VPS13B: variants seen among roughly 807,000 people sequenced by gnomAD.
VPS13B encodes vacuolar protein sorting 13 homolog B.
In VPS13B, 285 loss-of-function variants were observed where a neutral mutation model predicts 426.4. The observed-to-expected ratio is 0.67, with a 90% CI of 0.61 to 0.74. The LOEUF is 0.74. Among genes scored for constraint, VPS13B ranks in the 30% least tolerant of loss-of-function variants. The pLI is 0.00. For missense variants in VPS13B, 4,537 were observed against 4,782.6 expected (o/e 0.95, Z 1.51); for synonymous variants, 1,676 against 1,676.4 (o/e 1.00, Z 0.01).
rs1050342005 is a variant in VPS13B at position 99,227,697 on chromosome 8, A to C, written c.2515+34640A>C. ...TATGGTTTATTTGTGTGTACTTCTT[A>C]AACTGTTCTGGTATGTTTCATATAT... On this transcript the variant is annotated intron_variant, in intron 17 of 61. Coordinates refer to ENST00000357162, the MANE Select transcript of VPS13B (RefSeq NM_152564.5). Among the ~76,000 whole-genome samples, 9 of 152,284 alleles carry C rather than the reference A, an allele frequency of 5.9e-5. No homozygotes were observed. The East Asian group carries it at 1.7e-3, about 29-fold the overall frequency.
At chr8:99,215,038 C>T (rs961052990) in intron 17 of VPS13B, among the ~76,000 whole-genome samples, 2 of 152,090 alleles carry the variant, frequency 1.3e-5, no homozygotes, top group African/African-American at 2.4e-5. Context: ...TCAGAGGAGC[C>T]TTCTTTAAGT....
intron 17 of VPS13B, among the ~76,000 whole-genome samples, chr8:99,218,296 A>G (rs552835038): frequency 1.3e-5 from 2 of 152,314 alleles, no homozygotes; most frequent in African/African-American, 2.4e-5. Context: ...AATATTTACT[A>G]TCTGGCCCTT....
At chr8:99,333,764 A>G (rs890167249) in intron 19 of VPS13B, among the ~76,000 whole-genome samples, 1 of 152,024 alleles carries the variant, frequency 6.6e-6, no homozygotes, top group African/African-American at 2.4e-5. Context: ...TTATGTAAAT[A>G]GTCATGTAAT....
Position 99,821,425 on chromosome 8 carries a change from TGAA to T in VPS13B, c.9131_9133del (p.Glu3044del). On this transcript the variant is annotated inframe_deletion, in exon 50 of 62. Coordinates refer to ENST00000357162, the MANE Select transcript of VPS13B (RefSeq NM_152564.5). ...GTAATGGTGAAGTTGTGACACTGGA[TGAA>T]GAAGCGTTTGTTGATACTGAAATAA... The T allele has an allele frequency of 2.5e-6, 4 of 1,613,896 alleles. No homozygotes were observed. The highest frequency in any genetic ancestry group is 3.4e-6 in the Non-Finnish European group (4 of 1,179,816).
intron 35 of VPS13B, among the ~76,000 whole-genome samples, chr8:99,686,306 G>C (rs1250010729): frequency 6.6e-6 from 1 of 152,154 alleles, no homozygotes; most frequent in Non-Finnish European, 1.5e-5. Context: ...ACTGTGCTGA[G>C]TCATACCCGA....
chr8:99,263,269 T>C (rs1348785338), intron 17 of VPS13B, among the ~76,000 whole-genome samples: 1 of 152,184 alleles, frequency 6.6e-6, no homozygotes, highest in Non-Finnish European at 1.5e-5. Flanking sequence ...ATAGAGAAAG[T>C]CAGTGTTGGC....
intron 37 of VPS13B, among the ~76,000 whole-genome samples, chr8:99,720,033 A>G (rs1263260191): frequency 6.6e-6 from 1 of 152,122 alleles, no homozygotes; most frequent in African/African-American, 2.4e-5. Context: ...TCAGACTATA[A>G]TAGGTGTTCT....
At chr8:99,831,076 C>CTTTTTTTTTTTTTTTTTTTTT (rs773817774) in intron 51 of VPS13B, among the ~76,000 whole-genome samples, 2 of 120,080 alleles carry the variant, frequency 1.7e-5, no homozygotes, top group African/African-American at 6.4e-5. Flanking sequence ...GTGTTTTTTT[C>CTTTTTTTTTTTTTTTTTTTTT]TTTTTTTTTT....
At chr8:99,232,110 C>T (rs1299359409) in intron 17 of VPS13B, among the ~76,000 whole-genome samples, 4 of 150,138 alleles carry the variant, frequency 2.7e-5, no homozygotes, top group South Asian at 4.3e-4. Flanking sequence ...TTTCCTTGGG[C>T]GGGGGCGAGG....
At chr8:99,126,068 G>A (rs960918099) in intron 8 of VPS13B, among the ~76,000 whole-genome samples, 3 of 152,130 alleles carry the variant, frequency 2.0e-5, no homozygotes, top group African/African-American at 7.2e-5. Flanking sequence ...AGAGGGCTTG[G>A]CACCTCTTGT....
At chr8:99,537,886 G>A (rs1166216489) in intron 30 of VPS13B, among the ~76,000 whole-genome samples, 1 of 152,088 alleles carries the variant, frequency 6.6e-6, no homozygotes, top group Non-Finnish European at 1.5e-5. Flanking sequence ...ATACCTAGCA[G>A]CATTATCATA....
Position 99,809,391 on chromosome 8 carries a change from T to C in VPS13B, c.7958T>C (p.Ile2653Thr), listed in dbSNP as rs1813583407. 1 of 1,614,020 alleles carries C rather than the reference T, an allele frequency of 6.2e-7. No individual in the cohort carries two copies. The highest frequency in any genetic ancestry group is 8.5e-7 in the Non-Finnish European group (1 of 1,179,950). ...TTTCTCCAGCTGTTACACATCTGTA[T>C]TGAAGGTTGGGGCAACTGGCGTTGG... ...HKSPQLLHIC[I>T]EGWGNWRWSE... is the part of the protein sequence containing the mutation. Residue 2653 changes from isoleucine (I) to threonine (T), a missense_variant, in exon 44 of 62, where the codon ATT becomes ACT. This residue lies in a region of VPS13B where 4,311 missense variants were observed against 4,474.3 expected (regional missense o/e 0.96). Transcript: ENST00000357162.
At chr8:99,156,503 C>A in intron 14 of VPS13B, 46 bp from the exon 15 acceptor site, 2 of 1,596,810 alleles carry the variant, frequency 1.3e-6, no homozygotes, top group South Asian at 2.2e-5. Flanking sequence ...GCAACTCAGT[C>A]ACTGCTCCAC....
intron 33 of VPS13B, among the ~76,000 whole-genome samples, chr8:99,597,076 C>T (rs1211287124): frequency 6.6e-6 from 1 of 152,002 alleles, no homozygotes; most frequent in Non-Finnish European, 1.5e-5. Context: ...TCTATAGTGA[C>T]AAATATTGTC....
intron 17 of VPS13B, among the ~76,000 whole-genome samples, chr8:99,256,960 G>T (rs1255222272): frequency 6.6e-5 from 10 of 151,942 alleles, no homozygotes; most frequent in Admixed American, 2.6e-4. Flanking sequence ...AGCCTGAATT[G>T]GTCTTATTTA....
chr8:99,837,204 C>T (rs964780859), intron 54 of VPS13B, among the ~76,000 whole-genome samples: 2 of 152,120 alleles, frequency 1.3e-5, no homozygotes, highest in Non-Finnish European at 2.9e-5. Flanking sequence ...AAGGGCCTGG[C>T]TGGAGACAGG....
intron 61 of VPS13B, among the ~76,000 whole-genome samples, chr8:99,872,498 A>C (rs2130979838): frequency 6.6e-6 from 1 of 152,308 alleles, no homozygotes; most frequent in South Asian, 2.1e-4. Flanking sequence ...ACTGGGTGTC[A>C]AGAGTCAAGG....
At chr8:99,818,691 T>C (rs1422289410) in intron 46 of VPS13B, 22 bp from the exon 47 acceptor site, 2 of 1,613,138 alleles carry the variant, frequency 1.2e-6, no homozygotes, top group African/African-American at 2.7e-5. Context: ...ATGAAAGTTG[T>C]TCTATCCTTT....
intron 8 of VPS13B, among the ~76,000 whole-genome samples, chr8:99,131,095 C>T (rs1364558518): frequency 6.6e-6 from 1 of 152,110 alleles, no homozygotes; most frequent in Non-Finnish European, 1.5e-5. Flanking sequence ...TTGGCAAACA[C>T]ATGCTGAATA....
Sources: gnomAD v4.1 joint callset for allele counts (sites outside exome capture counted in the v4.1 genomes callset) on GRCh38, gnomAD v4.1.1 for gene constraint, gnomAD v4.1.1 regional missense constraint, MANE v1.5 for transcripts, NCBI Gene and HGNC (gene_info 2026-07-23, HGNC 2026-07-21) for gene names.